Variants in PRKCB observed in about 807,000 individuals in gnomAD.
PRKCB encodes protein kinase C beta.
PRKCB carries 13 observed loss-of-function variants against 81.5 expected under a neutral mutation model. The observed-to-expected ratio is 0.16, with a 90% CI of 0.10 to 0.25. The LOEUF is 0.25. Among genes scored for constraint, PRKCB ranks in the 10% least tolerant of loss-of-function variants. PRKCB has a pLI of 1.00. For missense variants in PRKCB, 509 were observed against 875.7 expected, an observed-to-expected ratio of 0.58 and a Z score of 5.29; for synonymous variants, 335 against 321.4, an observed-to-expected ratio of 1.04 and a Z score of -0.45.
intron 2 of PRKCB, among the ~76,000 whole-genome samples, chr16:23,889,526 T>C (rs1446698204): frequency 1.3e-5 from 2 of 152,274 alleles, no homozygotes; most frequent in East Asian, 3.8e-4. Flanking sequence ...TTCTGGTCTT[T>C]GGCCTTGCAG....
intron 5 of PRKCB, among the ~76,000 whole-genome samples, chr16:24,075,083 A>G (rs771698563): frequency 6.6e-6 from 1 of 150,514 alleles, no homozygotes; most frequent in African/African-American, 2.5e-5. Flanking sequence ...TGCACCACGC[A>G]CTCTAGCCTG....
At chr16:24,154,941 A>G in intron 10 of PRKCB, 84 bp downstream of exon 10, 2 of 1,442,358 alleles carry the variant, frequency 1.4e-6, no homozygotes, top group Non-Finnish European at 1.9e-6. Flanking sequence ...CACCCAGCAC[A>G]GAGATACCTG....
At chr16:24,098,611 A>C (rs2141905555) in intron 7 of PRKCB, 1 of 152,318 alleles carries the variant, frequency 6.6e-6, no homozygotes, top group African/African-American at 2.4e-5. Flanking sequence ...TTAGCTGGGC[A>C]TGGTGGCAGG....
At chr16:23,884,662 G>A (rs9944293) in intron 2 of PRKCB, among the ~76,000 whole-genome samples, 74,506 of 151,772 alleles carry the variant, frequency 0.49, 18,786 homozygotes, top group East Asian at 0.62. Flanking sequence ...AGCCTCCTAA[G>A]TAGCTGGGAC....
At chr16:24,152,589 C>A (rs1216035067) in intron 9 of PRKCB, among the ~76,000 whole-genome samples, 2 of 152,180 alleles carry the variant, frequency 1.3e-5, no homozygotes, top group Admixed American at 1.3e-4. Flanking sequence ...GCACATGTCC[C>A]GGCCCCAGCT....
chr16:24,006,262 C>T (rs936736264), intron 3 of PRKCB, among the ~76,000 whole-genome samples: 1 of 152,208 alleles, frequency 6.6e-6, no homozygotes, highest in Non-Finnish European at 1.5e-5. Flanking sequence ...GAGGATTGGC[C>T]TCTCTAGCTC....
rs543199913 is a variant in PRKCB at position 23,923,523 on chromosome 16, A to G, written c.206-64985A>G. 1.1e-3 allele frequency among the ~76,000 whole-genome samples: 161 copies of G among 152,242 alleles called. 1 individual carries two copies. Among genetic ancestry groups the G allele is most frequent in the Non-Finnish European group, 1.9e-3 (126 of 67,982 alleles). Reference sequence around the variant, plus strand: ...GGATGGAATTAACACTACCTGAATTATGTGGACCAAGAGTGGGAAAGGAAT... The same window carrying G: ...GGATGGAATTAACACTACCTGAATTGTGTGGACCAAGAGTGGGAAAGGAAT... On this transcript the variant is annotated intron_variant, in intron 2 of 16. Coordinates refer to ENST00000643927, the MANE Select transcript of PRKCB (RefSeq NM_002738.7).
intron 2 of PRKCB, among the ~76,000 whole-genome samples, chr16:23,929,398 C>T (rs769654709): frequency 1.3e-5 from 2 of 152,058 alleles, no homozygotes; most frequent in Non-Finnish European, 2.9e-5. Context: ...CTGGATTCTG[C>T]CATTTCCTTG....
chr16:24,120,619 C>G (rs1272011462), intron 8 of PRKCB, among the ~76,000 whole-genome samples: 1 of 152,158 alleles, frequency 6.6e-6, no homozygotes, highest in African/African-American at 2.4e-5. Flanking sequence ...GGCTGGGGAG[C>G]TGTCCTTCAT....
chr16:24,186,691 A>G (rs922577157), intron 15 of PRKCB, among the ~76,000 whole-genome samples: 4 of 152,220 alleles, frequency 2.6e-5, no homozygotes, highest in African/African-American at 7.2e-5. Flanking sequence ...GGGTGAAGGA[A>G]AGCTGGGAAA....
chr16:24,072,574 T>TTCTCTCTCTCTC (rs965933795), intron 5 of PRKCB, among the ~76,000 whole-genome samples: 1 of 149,998 alleles, frequency 6.7e-6, no homozygotes, highest in Admixed American at 6.6e-5. Context: ...AACTCTCTCT[T>TTCTCTCTCTCTC]TCTCTCTCTC....
chr16:24,032,431 A>G (rs1456440192), intron 4 of PRKCB, among the ~76,000 whole-genome samples, 184 bp downstream of exon 4: 1 of 152,174 alleles, frequency 6.6e-6, no homozygotes, highest in Admixed American at 6.5e-5. Flanking sequence ...TGAAGACAAT[A>G]AACATTTTTT....
intron 3 of PRKCB, among the ~76,000 whole-genome samples, chr16:24,003,300 A>T (rs1477859473): frequency 6.6e-6 from 1 of 151,744 alleles, no homozygotes; most frequent in Non-Finnish European, 1.5e-5. Context: ...CCTGCTGTAG[A>T]TGGAACATGT....
At chr16:23,960,452 C>T (rs1181696078) in intron 2 of PRKCB, among the ~76,000 whole-genome samples, 2 of 151,894 alleles carry the variant, frequency 1.3e-5, no homozygotes, top group Admixed American at 1.3e-4. Flanking sequence ...CGTTTCATGT[C>T]TGTGTCTTTT....
At chr16:24,051,224 A>G (rs1396858072) in intron 5 of PRKCB, among the ~76,000 whole-genome samples, 2 of 152,228 alleles carry the variant, frequency 1.3e-5, no homozygotes, top group African/African-American at 4.8e-5. Flanking sequence ...AGCGGAAAGA[A>G]AACGTGGCAG....
At chr16:23,899,648 G>C (rs1286944577) in intron 2 of PRKCB, among the ~76,000 whole-genome samples, 2 of 22,616 alleles carry the variant, frequency 8.8e-5, no homozygotes, top group African/African-American at 1.9e-4. Context: ...CTCTCTCTGT[G>C]TGTGTGTGTG....
intron 2 of PRKCB, among the ~76,000 whole-genome samples, chr16:23,894,996 A>G (rs180725779): frequency 1.8e-3 from 268 of 152,200 alleles, no homozygotes; most frequent in African/African-American, 6.3e-3. Flanking sequence ...GATTTAGAAT[A>G]TTTTTTAGAA....
intron 5 of PRKCB, 89 bp downstream of exon 5, chr16:24,035,636 A>AG: frequency 8.2e-6 from 1 of 122,448 alleles, no homozygotes; most frequent in South Asian, 9.3e-5. Context: ...GGGGCAGTCC[A>AG]GTGGAGGGGT....
intron 2 of PRKCB, among the ~76,000 whole-genome samples, chr16:23,857,715 A>G (rs1212033879): frequency 6.7e-6 from 1 of 149,634 alleles, no homozygotes; most frequent in African/African-American, 2.5e-5. Flanking sequence ...AGAGAGAGAG[A>G]GAGTGTGTGT....
Sources: gnomAD v4.1 joint callset for allele counts (sites outside exome capture counted in the v4.1 genomes callset) on GRCh38, gnomAD v4.1.1 for gene constraint, MANE v1.5 for transcripts, NCBI Gene and HGNC (gene_info 2026-07-23, HGNC 2026-07-21) for gene names.